SENP6: variants seen among roughly 807,000 people sequenced by gnomAD.
SENP6 encodes sentrin-specific protease 6.
Under a neutral mutation model 134.5 loss-of-function variants are expected in SENP6, and 41 were observed. That is an observed-to-expected ratio of 0.30 (90% confidence interval 0.24 to 0.40). The LOEUF (loss-of-function observed/expected upper bound fraction) is 0.40, where lower values mean the gene tolerates loss of function less well. Ranked by LOEUF, SENP6 falls within the 10% of genes least tolerant of loss-of-function variation. SENP6 has a pLI of 1.00. For synonymous variants in SENP6, 395 were observed against 429.8 expected (o/e 0.92, Z 1.00); for missense variants, 1,248 against 1,312.5 (o/e 0.95, Z 0.76).
At chr6:75,704,388 A>G (rs543621739) in intron 19 of SENP6, among the ~76,000 whole-genome samples, 3 of 152,242 alleles carry the variant, frequency 2.0e-5, no homozygotes, top group Non-Finnish European at 4.4e-5. Flanking sequence ...TGGAGGTACT[A>G]TGCCTGGATG....
At chr6:75,665,605 A>G (rs2647415) in intron 9 of SENP6, among the ~76,000 whole-genome samples, 59,788 of 152,012 alleles carry the variant, frequency 0.39, 12,100 homozygotes, top group East Asian at 0.55. Context: ...TATAAGAGCA[A>G]ATTACCATCA....
At chr6:75,670,197 T>C (rs1161572018) in intron 10 of SENP6, among the ~76,000 whole-genome samples, 1 of 152,162 alleles carries the variant, frequency 6.6e-6, no homozygotes, top group African/African-American at 2.4e-5. Flanking sequence ...TCCGCCCATC[T>C]CGGCCTCCCA....
intron 1 of SENP6, among the ~76,000 whole-genome samples, chr6:75,605,687 CAGG>C (rs1766974378): frequency 6.6e-6 from 1 of 152,088 alleles, no homozygotes; most frequent in Admixed American, 6.5e-5. Flanking sequence ...ATATGAGAGG[CAGG>C]AGATCTTTCA....
Position 75,715,739 on chromosome 6 carries a change from G to A in SENP6, c.*145G>A. On this transcript the variant is annotated 3_prime_UTR_variant, in exon 24 of 24. Transcript: ENST00000447266. Reference sequence around the variant, plus strand: ...AAATGTCAGATAATTAATTTCCAAAGGCGTATGTATTAAGTAAAAGTCTGT... The same window carrying A: ...AAATGTCAGATAATTAATTTCCAAAAGCGTATGTATTAAGTAAAAGTCTGT... 1 of 585,224 alleles carries A rather than the reference G, an allele frequency of 1.7e-6. No homozygotes were observed. The highest frequency in any genetic ancestry group is 2.9e-6 in the Non-Finnish European group (1 of 343,298). 36.3% of individuals were successfully genotyped at this position (585,224 alleles called of 1,614,324 possible).
chr6:75,714,954 T>C (rs1009239867), intron 23 of SENP6, among the ~76,000 whole-genome samples: 3 of 152,236 alleles, frequency 2.0e-5, no homozygotes, highest in Non-Finnish European at 2.9e-5. Flanking sequence ...ATTTCTTGTT[T>C]TAATTGTTGA....
At chr6:75,657,140 C>G (rs1771403053) in intron 7 of SENP6, among the ~76,000 whole-genome samples, 3 of 152,202 alleles carry the variant, frequency 2.0e-5, no homozygotes, top group African/African-American at 7.2e-5. Context: ...AAAAGCTTTC[C>G]TTTGGGTACA....
chr6:75,614,260 CTT>C (rs1024636893), intron 1 of SENP6, among the ~76,000 whole-genome samples: 4 of 140,220 alleles, frequency 2.9e-5, no homozygotes, highest in East Asian at 2.2e-4. Flanking sequence ...AAGTTACTAT[CTT>C]TTTTTTTTTT....
intron 16 of SENP6, among the ~76,000 whole-genome samples, chr6:75,685,918 T>G (rs537144763): frequency 2.0e-5 from 3 of 152,120 alleles, no homozygotes; most frequent in Admixed American, 6.6e-5. Context: ...GGTCTGCTTG[T>G]TGCAGAGCTG....
At chr6:75,697,572 T>C in intron 18 of SENP6, 55 bp downstream of exon 18, 2 of 1,203,636 alleles carry the variant, frequency 1.7e-6, no homozygotes, top group Non-Finnish European at 2.4e-6. Context: ...ATGATGGCAA[T>C]TTTTAAATAA....
intron 16 of SENP6, among the ~76,000 whole-genome samples, chr6:75,683,928 G>C (rs1773642307): frequency 1.3e-5 from 2 of 152,262 alleles, no homozygotes; most frequent in East Asian, 1.9e-4. Context: ...TTCTAATTCT[G>C]TGAAGAAAGT....
chr6:75,621,395 T>C, intron 1 of SENP6, 137 bp from the exon 2 acceptor site: 2 of 584,836 alleles, frequency 3.4e-6, no homozygotes, highest in Non-Finnish European at 6.1e-6. Flanking sequence ...GGAAATCAAA[T>C]GTTTACAAAA....
chr6:75,637,258 A>G (rs1173117325), intron 5 of SENP6, among the ~76,000 whole-genome samples: 3 of 152,164 alleles, frequency 2.0e-5, no homozygotes, highest in Non-Finnish European at 2.9e-5. Flanking sequence ...TGAGTGGTAT[A>G]TCTTGTCTTT....
At chr6:75,628,304 A>G (rs1029176789) in intron 3 of SENP6, among the ~76,000 whole-genome samples, 1 of 152,164 alleles carries the variant, frequency 6.6e-6, no homozygotes, top group Non-Finnish European at 1.5e-5. Flanking sequence ...TTCACTGAAG[A>G]TAAACTTCAC....
chr6:75,717,044 G>C lies in SENP6; in HGVS notation c.*1450G>C, dbSNP rs1184665694. ...AAATGTAAGAAAGGTCACCATTAGT[G>C]ATATCAACTGTAGTTTGTTACTTTG... On this transcript the variant is annotated 3_prime_UTR_variant, in exon 24 of 24. Transcript: ENST00000447266. 5.3e-5 allele frequency: 8 copies of C among 151,886 alleles called. No individual in the cohort carries two copies. The highest frequency in any genetic ancestry group is 1.2e-4 in the Non-Finnish European group (8 of 67,840). The allele number at this position is 151,886 out of a possible 1,614,324, so 9.4% of individuals were successfully genotyped here. A position where few individuals can be genotyped will look rare whatever the true frequency, so the allele number is the denominator to read the frequency against.
intron 7 of SENP6, among the ~76,000 whole-genome samples, chr6:75,652,683 CA>C (rs71002754): frequency 0.37 from 27,663 of 75,762 alleles, 3,501 homozygotes; most frequent in Admixed American, 0.53. Flanking sequence ...CTAAAAATCT[CA>C]AAAAAAAAAA....
At chr6:75,688,951 A>T (rs1462743732) in intron 16 of SENP6, among the ~76,000 whole-genome samples, 1 of 152,200 alleles carries the variant, frequency 6.6e-6, no homozygotes, top group African/African-American at 2.4e-5. Flanking sequence ...CTGTAATCCC[A>T]GCTACTTGGG....
At chr6:75,709,666 T>C in intron 20 of SENP6, 36 bp downstream of exon 20, 1 of 1,497,460 alleles carries the variant, frequency 6.7e-7, no homozygotes, top group Non-Finnish European at 9.3e-7. Flanking sequence ...TTCTAATGTT[T>C]TATCTAATTA....
intron 16 of SENP6, among the ~76,000 whole-genome samples, chr6:75,690,053 A>G (rs1038390529): frequency 6.6e-6 from 1 of 152,178 alleles, no homozygotes; most frequent in African/African-American, 2.4e-5. Context: ...CTGGGACTAC[A>G]GGTGCACACC....
At chr6:75,685,919 T>TG (rs1773808072) in intron 16 of SENP6, among the ~76,000 whole-genome samples, 1 of 152,226 alleles carries the variant, frequency 6.6e-6, no homozygotes, top group Admixed American at 6.5e-5. Flanking sequence ...GTCTGCTTGT[T>TG]GCAGAGCTGA....
Sources: allele counts gnomAD v4.1 joint callset (sites outside exome capture counted in the v4.1 genomes callset), GRCh38; gene constraint gnomAD v4.1.1; transcripts MANE v1.5; gene names NCBI Gene and HGNC (gene_info 2026-07-23, HGNC 2026-07-21).